Variants in NPHP1 observed in about 807,000 individuals in gnomAD.
NPHP1 encodes the protein nephrocystin-1.
NPHP1 carries 70 observed loss-of-function variants against 90.4 expected under a neutral mutation model. The ratio of observed to expected loss-of-function variants is 0.77; its 90% CI spans 0.64 to 0.95. NPHP1 has a LOEUF of 0.95. Ranked by LOEUF, NPHP1 falls within the 40% of genes least tolerant of loss-of-function variation. NPHP1 has a pLI of 0.00. For synonymous variants in NPHP1, 256 were observed against 271.7 expected (o/e 0.94, Z 0.57); for missense variants, 764 against 795.9 (o/e 0.96, Z 0.48).
intron 2 of NPHP1, chr2:110,184,634 C>A: frequency 1.2e-6 from 1 of 854,930 alleles, no homozygotes; most frequent in African/African-American, 1.6e-5. Context: ...TCTCTCGCTT[C>A]CTGCACCTCT....
intron 1 of NPHP1, among the ~76,000 whole-genome samples, chr2:110,203,265 G>C (rs1269796769): frequency 6.6e-6 from 1 of 151,986 alleles, no homozygotes; most frequent in Admixed American, 6.6e-5. Context: ...AGTGGGGTGG[G>C]GGAGGGAAGA....
At position 110,132,732 on chromosome 2, in the gene NPHP1, T is replaced by G. The variant is rs151280261; in HGVS notation, c.1530-941A>C. On this transcript the variant is annotated intron_variant, in intron 16 of 19. Transcript: ENST00000445609. ...CTGGTATACAGTAAGGGCTAAAAAATAGAAAATAATTCAACATCGAAGTTA... is the reference window on the plus strand; with the variant it reads ...CTGGTATACAGTAAGGGCTAAAAAAGAGAAAATAATTCAACATCGAAGTTA... Among the ~76,000 whole-genome samples, 999 of 152,202 alleles carry G rather than the reference T, an allele frequency of 6.6e-3. 18 individuals carry two copies. Among genetic ancestry groups the G allele is most frequent in the African/African-American group, 0.023 (958 of 41,516 alleles).
intron 11 of NPHP1, among the ~76,000 whole-genome samples, chr2:110,152,564 G>A (rs1157944641): frequency 1.4e-5 from 2 of 140,476 alleles, no homozygotes; most frequent in African/African-American, 5.4e-5. Flanking sequence ...TAGAGAAATA[G>A]ATATTGCTTT....
At chr2:110,144,827 T>C (rs1247371362) in intron 14 of NPHP1, among the ~76,000 whole-genome samples, 1 of 152,080 alleles carries the variant, frequency 6.6e-6, no homozygotes, top group Non-Finnish European at 1.5e-5. Flanking sequence ...TCCTTGAAAA[T>C]GAGAAAAATT....
Position 110,193,970 on chromosome 2 carries a change from C to G in NPHP1, c.143+7451G>C, listed in dbSNP as rs569670339. Among the ~76,000 whole-genome samples, 16 of 151,716 alleles carry G rather than the reference C, an allele frequency of 1.1e-4. No individual in the cohort carries two copies. In the South Asian group the frequency reaches 3.4e-3, roughly 32 times the overall value. ...TTCTTTGAAACCAACGAGAACAAAG[C>G]CACAACATACCAGAATCTCTGGGAC... is the stretch of plus-strand genomic sequence containing the variant. On this transcript the variant is annotated intron_variant, in intron 2 of 19. Coordinates refer to ENST00000445609, the MANE Select transcript of NPHP1 (RefSeq NM_001128178.3).
chr2:110,164,275 G>T, intron 8 of NPHP1: 1 of 519,332 alleles, frequency 1.9e-6, no homozygotes, highest in Non-Finnish European at 3.4e-6. Context: ...GGCCTCAAGT[G>T]ATCCTCCTGC....
chr2:110,156,426 T>G (rs1681891344), intron 11 of NPHP1, among the ~76,000 whole-genome samples: 1 of 151,894 alleles, frequency 6.6e-6, no homozygotes, highest in South Asian at 2.1e-4. Flanking sequence ...CAATAAACCT[T>G]TCTTTTGTAA....
chr2:110,132,427 G>A (rs1343987557), intron 16 of NPHP1, among the ~76,000 whole-genome samples: 4 of 152,196 alleles, frequency 2.6e-5, no homozygotes, highest in Admixed American at 6.5e-5. Context: ...GGCCGAGACA[G>A]GTGAATCACT....
rs575077043 is a variant in NPHP1, at chr2:110,171,204, G to A, written c.330-1206C>T. On this transcript the variant is annotated intron_variant, in intron 4 of 19. Coordinates refer to ENST00000445609, the MANE Select transcript of NPHP1 (RefSeq NM_001128178.3). Reference sequence around the variant, plus strand: ...GCCAAAATAATGTTAGCTTGGGCACGTCACTAAATCTTTCTGAATTTTATT... The same window carrying A: ...GCCAAAATAATGTTAGCTTGGGCACATCACTAAATCTTTCTGAATTTTATT... Among the ~76,000 whole-genome samples the A allele has an allele frequency of 5.1e-4, 78 of 152,222 alleles. 1 individual carries two copies. The highest frequency in any genetic ancestry group is 1.7e-3 in the African/African-American group (72 of 41,546).
At chr2:110,172,242 T>A (rs900465930) in intron 4 of NPHP1, among the ~76,000 whole-genome samples, 3 of 152,152 alleles carry the variant, frequency 2.0e-5, no homozygotes, top group Admixed American at 6.5e-5. Context: ...GTATTGATTT[T>A]TTTTCTCTCT....
At chr2:110,169,069 A>G (rs958166898) in intron 5 of NPHP1, among the ~76,000 whole-genome samples, 7 of 152,136 alleles carry the variant, frequency 4.6e-5, no homozygotes, top group Non-Finnish European at 1.0e-4. Context: ...TAAAAATAAA[A>G]TTCATCTTTG....
At chr2:110,156,365 C>T (rs1462594489) in intron 11 of NPHP1, among the ~76,000 whole-genome samples, 1 of 152,140 alleles carries the variant, frequency 6.6e-6, no homozygotes, top group Non-Finnish European at 1.5e-5. Context: ...ATGTGCCTTT[C>T]ACCTTCTGCC....
chr2:110,141,361 C>T (rs1680612766), intron 16 of NPHP1, among the ~76,000 whole-genome samples: 1 of 151,936 alleles, frequency 6.6e-6, no homozygotes, highest in Admixed American at 6.6e-5. Context: ...TCCATTAAAC[C>T]TCATTACACC....
chr2:110,145,812 G>A (rs1680999653), intron 14 of NPHP1, among the ~76,000 whole-genome samples: 1 of 152,000 alleles, frequency 6.6e-6, no homozygotes, highest in African/African-American at 2.4e-5. Flanking sequence ...CATATTAAAA[G>A]ACAAAAACAA....
chr2:110,186,009 G>A (rs1238419440), intron 2 of NPHP1, among the ~76,000 whole-genome samples: 2 of 152,146 alleles, frequency 1.3e-5, no homozygotes, highest in South Asian at 4.1e-4. Context: ...TAAGGGGATG[G>A]AGAGAGGGAG....
chr2:110,139,733 T>C (rs1407052847), intron 16 of NPHP1, among the ~76,000 whole-genome samples: 2 of 152,164 alleles, frequency 1.3e-5, no homozygotes, highest in African/African-American at 4.8e-5. Context: ...GCCCCTGTCC[T>C]TTCTCCTTTG....
Position 110,146,606 on chromosome 2 carries a change from A to G in NPHP1, c.1352+147T>C, listed in dbSNP as rs555124973. 624 of 694,696 alleles carry G rather than the reference A, an allele frequency of 9.0e-4. 11 individuals are homozygous for G. In the South Asian group the frequency reaches 9.5e-3, roughly 11 times the overall value. 43.0% of individuals were successfully genotyped at this position (694,696 alleles called of 1,614,324 possible). ...GAGACTGTGCATGCTGTTTTCATAC[A>G]CTGCCTAAACAACACTAAAGTCAAC... On this transcript the variant is annotated intron_variant, in intron 14 of 19. Transcript: ENST00000445609.
chr2:110,177,262 T>A (rs1474848651), intron 4 of NPHP1, among the ~76,000 whole-genome samples: 1 of 152,118 alleles, frequency 6.6e-6, no homozygotes, highest in African/African-American at 2.4e-5. Context: ...TACCAACTAC[T>A]CTGCCATTCT....
chr2:110,181,078 G>A (rs1286756844), intron 2 of NPHP1, among the ~76,000 whole-genome samples: 1 of 152,186 alleles, frequency 6.6e-6, no homozygotes, highest in Non-Finnish European at 1.5e-5. Context: ...CAACTCACAA[G>A]TTAAGACCCA....
Sources: allele counts gnomAD v4.1 joint callset (sites outside exome capture counted in the v4.1 genomes callset), GRCh38; gene constraint gnomAD v4.1.1; transcripts MANE v1.5; gene names NCBI Gene and HGNC (gene_info 2026-07-23, HGNC 2026-07-21).